The following LRP1B variants were observed in gnomAD, a reference collection of about 807,000 sequenced individuals.
LRP1B encodes the protein LDL receptor related protein 1B.
In LRP1B, 217 loss-of-function variants were observed where a neutral mutation model predicts 556.6. The ratio of observed to expected loss-of-function variants is 0.39; its 90% CI spans 0.35 to 0.44. LRP1B has a LOEUF of 0.44. Ranked by LOEUF, LRP1B falls within the 20% of genes least tolerant of loss-of-function variation. LRP1B has a pLI of 1.00. For missense variants in LRP1B, 5,053 were observed against 5,620.8 expected (o/e 0.90, Z 3.23); for synonymous variants, 2,047 against 1,865.8 (o/e 1.10, Z -2.50).
At chr2:141,721,899 C>T (rs773344346) in intron 2 of LRP1B, among the ~76,000 whole-genome samples, 20 of 152,182 alleles carry the variant, frequency 1.3e-4, no homozygotes, top group Non-Finnish European at 2.8e-4. Context: ...ACCTTTTATT[C>T]CCTGATCCAG....
At chr2:140,315,941 G>C (rs953886732) in intron 82 of LRP1B, among the ~76,000 whole-genome samples, 3 of 152,128 alleles carry the variant, frequency 2.0e-5, no homozygotes, top group Non-Finnish European at 2.9e-5. Flanking sequence ...ACATTTCTGT[G>C]TGTAACATTT....
intron 2 of LRP1B, among the ~76,000 whole-genome samples, chr2:141,665,237 GA>G (rs908631723): frequency 2.0e-5 from 3 of 149,660 alleles, no homozygotes; most frequent in Admixed American, 6.6e-5. Context: ...AAATTCATAA[GA>G]AAAAAAAACA....
chr2:140,897,774 G>A (rs925593279), intron 23 of LRP1B, among the ~76,000 whole-genome samples: 2 of 152,160 alleles, frequency 1.3e-5, no homozygotes, highest in African/African-American at 4.8e-5. Flanking sequence ...ACCTACACCA[G>A]TGATTTGCCA....
intron 25 of LRP1B, among the ~76,000 whole-genome samples, chr2:140,871,437 G>C (rs1276989195): frequency 6.6e-6 from 1 of 152,084 alleles, no homozygotes; most frequent in South Asian, 2.1e-4. Context: ...AAGGGATAGA[G>C]AAAATACTAA....
intron 14 of LRP1B, among the ~76,000 whole-genome samples, chr2:141,007,408 A>G (rs913526678): frequency 2.6e-5 from 4 of 151,928 alleles, no homozygotes; most frequent in East Asian, 1.9e-4. Context: ...ACAAATTAAA[A>G]AATACATATG....
intron 2 of LRP1B, among the ~76,000 whole-genome samples, chr2:141,788,011 A>G (rs1353737815): frequency 6.6e-6 from 1 of 152,004 alleles, no homozygotes; most frequent in African/African-American, 2.4e-5. Flanking sequence ...ACTCTGTGCT[A>G]TTGAAGACTT....
intron 10 of LRP1B, among the ~76,000 whole-genome samples, chr2:141,053,522 C>T (rs775784840): frequency 6.6e-6 from 1 of 151,906 alleles, no homozygotes; most frequent in Non-Finnish European, 1.5e-5. Flanking sequence ...TTTGTGGCTC[C>T]CTGATGCTCT....
intron 7 of LRP1B, among the ~76,000 whole-genome samples, chr2:141,176,182 A>G (rs1438415393): frequency 6.6e-6 from 1 of 152,028 alleles, no homozygotes; most frequent in Non-Finnish European, 1.5e-5. Flanking sequence ...TCAATGCTGG[A>G]ATGAGTTAAG....
intron 84 of LRP1B, among the ~76,000 whole-genome samples, chr2:140,295,100 G>C (rs1308498288): frequency 6.6e-6 from 1 of 151,676 alleles, no homozygotes; most frequent in African/African-American, 2.4e-5. Context: ...GGATGGTCTC[G>C]ACCTCCTGAC....
chr2:140,642,490 A>G (rs1007974651), intron 41 of LRP1B, among the ~76,000 whole-genome samples: 3 of 152,150 alleles, frequency 2.0e-5, no homozygotes, highest in African/African-American at 7.2e-5. Context: ...AACCTGAATT[A>G]TCAGCACCTA....
At chr2:142,019,136 A>G (rs1013811622) in intron 1 of LRP1B, among the ~76,000 whole-genome samples, 4 of 152,220 alleles carry the variant, frequency 2.6e-5, no homozygotes, top group Non-Finnish European at 4.4e-5. Flanking sequence ...GAATTGGAAT[A>G]AAAGATTTTA....
chr2:141,356,351 A>G (rs1355793657), intron 3 of LRP1B, among the ~76,000 whole-genome samples: 1 of 152,140 alleles, frequency 6.6e-6, no homozygotes, highest in African/African-American at 2.4e-5. Flanking sequence ...GCAAGTGCAC[A>G]GTTGGAATTT....
intron 32 of LRP1B, among the ~76,000 whole-genome samples, chr2:140,789,406 A>T (rs922582299): frequency 3.9e-5 from 6 of 152,154 alleles, no homozygotes; most frequent in Non-Finnish European, 8.8e-5. Context: ...ATTGGCACAC[A>T]GTGCTGAATA....
intron 2 of LRP1B, among the ~76,000 whole-genome samples, chr2:141,544,270 A>G (rs1685376682): frequency 7.2e-6 from 1 of 138,264 alleles, no homozygotes; most frequent in Admixed American, 7.4e-5. Context: ...CAGTTTAAAG[A>G]AAGTCTTCTC....
intron 1 of LRP1B, among the ~76,000 whole-genome samples, chr2:142,106,311 T>C (rs1706744413): frequency 6.6e-6 from 1 of 152,208 alleles, no homozygotes; most frequent in Non-Finnish European, 1.5e-5. Context: ...ATTATTACTA[T>C]TGTGGAATAA....
intron 2 of LRP1B, among the ~76,000 whole-genome samples, chr2:141,765,116 G>C (rs369815983): frequency 9.3e-5 from 2 of 21,488 alleles, no homozygotes; most frequent in Non-Finnish European, 2.7e-4. Context: ...CAAACAAACA[G>C]GGAAAGAATT....
intron 1 of LRP1B, among the ~76,000 whole-genome samples, chr2:141,942,751 A>AG (rs958521841): frequency 3.9e-5 from 6 of 152,134 alleles, no homozygotes; most frequent in African/African-American, 1.4e-4. Context: ...ACAGGTCTTT[A>AG]GGGGTCTTTC....
intron 68 of LRP1B, among the ~76,000 whole-genome samples, chr2:140,375,509 T>C (rs1300492666): frequency 2.6e-5 from 4 of 152,126 alleles, no homozygotes; most frequent in South Asian, 2.1e-4. Context: ...ATCATATATT[T>C]TTAGAAAGAG....
rs2105419822 is a variant in LRP1B at position 140,700,297 on chromosome 2, A to G, written c.6752T>C (p.Ile2251Thr). ...IFYSDAHFGN[I>T]QLIKDNWEDR... ...TTCCCAGTTGTCTTTAATAAGCTGT[A>G]TATTTCCAAAGTGTGCATCACTGTA... The change falls in exon 41 of 91, where the codon ATA becomes ACA. Residue 2251 changes from isoleucine (I) to threonine (T), a missense_variant. By Grantham distance (89) the Ile-to-Thr change is moderately conservative. Transcript: ENST00000389484. 1 of 1,612,596 alleles carries G rather than the reference A, an allele frequency of 6.2e-7. No homozygotes were observed. Among genetic ancestry groups the G allele is most frequent in the Non-Finnish European group, 8.5e-7 (1 of 1,179,114 alleles).
Sources: allele counts gnomAD v4.1 joint callset (sites outside exome capture counted in the v4.1 genomes callset), GRCh38; gene constraint gnomAD v4.1.1; transcripts MANE v1.5; gene names NCBI Gene and HGNC (gene_info 2026-07-23, HGNC 2026-07-21).